The following CRTC3 variants were observed in gnomAD, a reference collection of about 807,000 sequenced individuals.
The protein encoded by CRTC3 is CREB-regulated transcription coactivator 3.
In CRTC3, 26 loss-of-function variants were observed where a neutral mutation model predicts 74.5. The ratio of observed to expected loss-of-function variants is 0.35; its 90% CI spans 0.26 to 0.48. The LOEUF (loss-of-function observed/expected upper bound fraction) is 0.48. Ranked by LOEUF, CRTC3 falls within the 20% of genes least tolerant of loss-of-function variation. The pLI is 0.99. For missense variants in CRTC3, 760 were observed against 787.3 expected (o/e 0.97, Z 0.41); for synonymous variants, 377 against 325.8 (o/e 1.16, Z -1.69).
intron 10 of CRTC3, 125 bp from the exon 11 acceptor site, chr15:90,629,109 G>C: frequency 1.1e-6 from 1 of 875,330 alleles, no homozygotes; most frequent in Non-Finnish European, 1.7e-6. Context: ...TAGGAGAGCT[G>C]TCCAGGAGCT....
At chr15:90,632,167 C>T (rs554663859) in intron 11 of CRTC3, among the ~76,000 whole-genome samples, 9 of 151,938 alleles carry the variant, frequency 5.9e-5, no homozygotes, top group Admixed American at 5.9e-4. Context: ...ATTGAATTAC[C>T]TTTAATTTTA....
intron 4 of CRTC3, 128 bp from the exon 5 acceptor site, chr15:90,604,257 G>A (rs1567180943): frequency 1.4e-6 from 1 of 703,024 alleles, no homozygotes; most frequent in Non-Finnish European, 2.6e-6. Flanking sequence ...GAGGTGTGGG[G>A]TATTTTTAAG....
At chr15:90,628,290 C>A (rs935345423) in intron 10 of CRTC3, among the ~76,000 whole-genome samples, 1 of 152,080 alleles carries the variant, frequency 6.6e-6, no homozygotes, top group East Asian at 1.9e-4. Flanking sequence ...TCTTCCTTTT[C>A]GTAACTTTTA....
Position 90,530,499 on chromosome 15 carries a change from G to T in CRTC3, c.132+296G>T, listed in dbSNP as rs914222206. ...GGCGGCCGTGCGAGGGCGGCCTGAGGGGGAGGAGGACGAGGAGCCCCGAGA... is the reference window on the plus strand; with the variant it reads ...GGCGGCCGTGCGAGGGCGGCCTGAGTGGGAGGAGGACGAGGAGCCCCGAGA... On this transcript the variant is annotated intron_variant, in intron 1 of 14. Coordinates refer to ENST00000268184, the MANE Select transcript of CRTC3 (RefSeq NM_022769.5). The surrounding 1 kb of genome is among the most constrained non-coding windows in gnomAD (Gnocchi z 6.2). 1.5e-3 allele frequency: 223 copies of T among 152,860 alleles called. 2 individuals carry two copies. Among genetic ancestry groups the T allele is most frequent in the Non-Finnish European group, 1.0e-3 (69 of 68,496 alleles). The allele number at this position is 152,860 out of a possible 1,614,324, so 9.5% of individuals were successfully genotyped here.
intron 4 of CRTC3, 22 bp downstream of exon 4, chr15:90,602,407 A>T (rs753068895): frequency 7.6e-7 from 1 of 1,312,254 alleles, no homozygotes; most frequent in South Asian, 1.2e-5. Flanking sequence ...ATACTTTAAA[A>T]GATATGATGG....
rs140432109 is a variant in CRTC3 at position 90,564,351 on chromosome 15, C to T, written c.231+24214C>T. 5.0e-3 allele frequency among the ~76,000 whole-genome samples: 763 copies of T among 152,274 alleles called. 4 individuals are homozygous for T. Among genetic ancestry groups the T allele is most frequent in the African/African-American group, 0.016 (685 of 41,546 alleles). On this transcript the variant is annotated intron_variant, in intron 2 of 14. Coordinates refer to ENST00000268184, the MANE Select transcript of CRTC3 (RefSeq NM_022769.5). ...TTCCTGATTTCTTTATTTGTTAACC[C>T]TATGACATCATTAGGGTTGGTAGTA... is the stretch of plus-strand genomic sequence containing the variant.
chr15:90,593,641 A>G lies in CRTC3; in HGVS notation c.237A>G (p.Ser79=). The G allele has an allele frequency of 6.2e-7, 1 of 1,605,872 alleles. No individual in the cohort carries two copies. Among genetic ancestry groups the G allele is most frequent in the South Asian group, 1.1e-5 (1 of 90,824 alleles). The change falls in exon 3 of 15, where the codon TCA becomes TCG. Residue 79 remains serine, a synonymous_variant. Coordinates refer to ENST00000268184, the MANE Select transcript of CRTC3 (RefSeq NM_022769.5). ...TTCTTCCCTTCTCTCTGCAGCCGTC[A>G]TTTCACCAAGCTGATAATGTTCGGG... ...LRSSASEFQP[S]FHQADNVRGT...
At chr15:90,639,965 C>T (rs143684386) in intron 13 of CRTC3, among the ~76,000 whole-genome samples, 3,370 of 152,022 alleles carry the variant, frequency 0.022, 128 homozygotes, top group African/African-American at 0.076. Context: ...AGGAGAATGG[C>T]GTGAAGCCGG....
chr15:90,553,400 G>A (rs1194851343), intron 2 of CRTC3, among the ~76,000 whole-genome samples: 3 of 152,184 alleles, frequency 2.0e-5, no homozygotes, highest in Non-Finnish European at 4.4e-5. Context: ...CATCTGTCCC[G>A]AAATAGGAGC....
intron 5 of CRTC3, among the ~76,000 whole-genome samples, chr15:90,606,513 G>C (rs1483287350): frequency 1.3e-5 from 2 of 151,658 alleles, no homozygotes; most frequent in East Asian, 3.9e-4. Flanking sequence ...AGTGAGCCGA[G>C]ATCACACCAC....
chr15:90,616,215 A>G (rs28452105), intron 7 of CRTC3, among the ~76,000 whole-genome samples: 1,949 of 152,256 alleles, frequency 0.013, 49 homozygotes, highest in African/African-American at 0.045. Context: ...GACACCTGGG[A>G]ACACTGACAA....
intron 7 of CRTC3, among the ~76,000 whole-genome samples, chr15:90,617,091 C>G (rs1250161902): frequency 6.6e-6 from 1 of 152,126 alleles, no homozygotes; most frequent in Non-Finnish European, 1.5e-5. Flanking sequence ...CTTGACTCAG[C>G]CTACACTCCA....
At chr15:90,629,084 C>T (rs558945215) in intron 10 of CRTC3, 150 bp from the exon 11 acceptor site, 13 of 674,000 alleles carry the variant, frequency 1.9e-5, no homozygotes, top group Middle Eastern at 3.3e-4. Flanking sequence ...ATTGGTGCAT[C>T]GGATGCAGTC....
At chr15:90,614,690 C>A in intron 7 of CRTC3, 1 of 483,206 alleles carries the variant, frequency 2.1e-6, no homozygotes, top group Non-Finnish European at 3.7e-6. Flanking sequence ...TATGTGGTTG[C>A]ATTACAAAGG....
At chr15:90,582,207 A>G (rs1372240389) in intron 2 of CRTC3, among the ~76,000 whole-genome samples, 5 of 152,154 alleles carry the variant, frequency 3.3e-5, no homozygotes, top group African/African-American at 1.2e-4. Context: ...ATTAGCATTA[A>G]AGTTAAAAGG....
At chr15:90,556,403 C>G (rs918579224) in intron 2 of CRTC3, among the ~76,000 whole-genome samples, 9 of 152,174 alleles carry the variant, frequency 5.9e-5, no homozygotes, top group Non-Finnish European at 1.2e-4. Flanking sequence ...AGCAAAACTT[C>G]TGACACTGAT....
chr15:90,593,850 A>G, intron 3 of CRTC3, 95 bp downstream of exon 3: 1 of 1,319,850 alleles, frequency 7.6e-7, no homozygotes, highest in African/African-American at 1.5e-5. Context: ...TTGGCCTCAG[A>G]ATCTTCATTT....
intron 2 of CRTC3, among the ~76,000 whole-genome samples, chr15:90,549,687 T>G (rs1274735711): frequency 6.9e-6 from 1 of 143,938 alleles, no homozygotes; most frequent in Non-Finnish European, 1.5e-5. Flanking sequence ...ATTCACTTAT[T>G]TTATTTTATT....
intron 2 of CRTC3, among the ~76,000 whole-genome samples, chr15:90,547,767 C>G (rs941667478): frequency 2.6e-5 from 4 of 152,154 alleles, no homozygotes; most frequent in Admixed American, 2.6e-4. Flanking sequence ...ATAGCATGTT[C>G]CAGCCTGTGT....
Sources: allele counts gnomAD v4.1 joint callset (sites outside exome capture counted in the v4.1 genomes callset), GRCh38; gene constraint gnomAD v4.1.1; non-coding constraint Gnocchi (gnomAD v3.1); transcripts MANE v1.5; gene names NCBI Gene and HGNC (gene_info 2026-07-23, HGNC 2026-07-21).